Variants in EYS observed in about 807,000 individuals in gnomAD.
The protein encoded by EYS is EGF-like photoreceptor maintenance factor.
Under a neutral mutation model 282.1 loss-of-function variants are expected in EYS, and 250 were observed. The ratio of observed to expected loss-of-function variants is 0.89; its 90% CI spans 0.80 to 0.98. EYS has a LOEUF of 0.98. Ranked by LOEUF, EYS falls within the 50% of genes least tolerant of loss-of-function variation. The pLI is 0.00. For synonymous variants in EYS, 1,355 were observed against 1,282.9 expected, an observed-to-expected ratio of 1.06 and a Z score of -1.20; for missense variants, 4,016 against 3,709.0, an observed-to-expected ratio of 1.08 and a Z score of -2.15.
At chr6:65,492,609 A>G (rs1018741598) in intron 4 of EYS, among the ~76,000 whole-genome samples, 3 of 152,150 alleles carry the variant, frequency 2.0e-5, no homozygotes, top group Admixed American at 2.0e-4. Flanking sequence ...TTGCTTTATC[A>G]TTCACTCCAA....
intron 36 of EYS, among the ~76,000 whole-genome samples, chr6:63,863,215 T>C (rs1436961562): frequency 2.0e-5 from 3 of 152,252 alleles, no homozygotes; most frequent in Non-Finnish European, 4.4e-5. Context: ...AGTCCTGTGT[T>C]GATTAACTAT....
At chr6:65,348,035 C>A (rs1770466600) in intron 9 of EYS, among the ~76,000 whole-genome samples, 1 of 151,478 alleles carries the variant, frequency 6.6e-6, no homozygotes, top group African/African-American at 2.4e-5. Flanking sequence ...TATCTAGTTC[C>A]ATCCATGTTG....
intron 36 of EYS, chr6:63,806,698 A>T (rs1770917773): frequency 5.8e-6 from 1 of 172,542 alleles, no homozygotes; most frequent in East Asian, 1.6e-4. Flanking sequence ...AGCCAAACAA[A>T]GTATTTACTC....
intron 31 of EYS, among the ~76,000 whole-genome samples, chr6:64,095,246 G>C (rs1772548411): frequency 6.6e-6 from 1 of 152,184 alleles, no homozygotes; most frequent in South Asian, 2.1e-4. Flanking sequence ...TTGGGGTGGA[G>C]AGTTCTGTAG....
intron 18 of EYS, among the ~76,000 whole-genome samples, chr6:64,894,615 T>G (rs4301284): frequency 0.76 from 115,883 of 151,988 alleles, 44,488 homozygotes; most frequent in South Asian, 0.8. Flanking sequence ...GAAGGTCAGG[T>G]TTTGCCTCCT....
chr6:65,528,365 G>A (rs1767645863), intron 2 of EYS, among the ~76,000 whole-genome samples: 1 of 152,140 alleles, frequency 6.6e-6, no homozygotes, highest in African/African-American at 2.4e-5. Context: ...TGCAGGCTGG[G>A]TGTCCTGGTT....
intron 12 of EYS, among the ~76,000 whole-genome samples, chr6:65,065,280 C>T (rs1351237017): frequency 2.6e-5 from 4 of 152,080 alleles, no homozygotes; most frequent in Non-Finnish European, 5.9e-5. Flanking sequence ...TACTTACTTC[C>T]CAGATGATAA....
intron 31 of EYS, among the ~76,000 whole-genome samples, chr6:64,109,496 C>T (rs1773137295): frequency 1.3e-5 from 2 of 151,842 alleles, no homozygotes; most frequent in South Asian, 4.2e-4. Context: ...AATGCAATGC[C>T]ACTGATATAA....
At chr6:65,513,508 T>C (rs1481807949) in intron 2 of EYS, among the ~76,000 whole-genome samples, 3 of 152,032 alleles carry the variant, frequency 2.0e-5, no homozygotes, top group Non-Finnish European at 2.9e-5. Flanking sequence ...TTTAGACCAA[T>C]ATCCTTGATG....
chr6:64,090,591 T>A (rs78136537), intron 31 of EYS, among the ~76,000 whole-genome samples: 1 of 151,942 alleles, frequency 6.6e-6, no homozygotes, highest in African/African-American at 2.4e-5. Flanking sequence ...AGTGGCTTAA[T>A]TTTTTTTGTG....
intron 2 of EYS, among the ~76,000 whole-genome samples, chr6:65,614,555 A>G (rs372157093): frequency 8.7e-4 from 132 of 152,220 alleles, no homozygotes; most frequent in African/African-American, 3.0e-3. Context: ...TTCCCCATAG[A>G]TGACCAGTTG....
At chr6:65,338,388 G>C (rs1266407908) in intron 10 of EYS, among the ~76,000 whole-genome samples, 1 of 150,532 alleles carries the variant, frequency 6.6e-6, no homozygotes, top group Non-Finnish European at 1.5e-5. Flanking sequence ...TCTCAACTTT[G>C]TGTATACAGA....
chr6:64,017,009 C>T (rs376615969), intron 33 of EYS, among the ~76,000 whole-genome samples: 3 of 151,816 alleles, frequency 2.0e-5, no homozygotes, highest in Admixed American at 6.6e-5. Flanking sequence ...AATTGCACTC[C>T]GCATGTCCTT....
chr6:64,530,480 T>A (rs1764292924), intron 26 of EYS, among the ~76,000 whole-genome samples: 1 of 152,056 alleles, frequency 6.6e-6, no homozygotes, highest in Non-Finnish European at 1.5e-5. Flanking sequence ...CCAGAAATAA[T>A]AAAATTAGAA....
At chr6:64,366,009 G>C (rs1257797431) in intron 29 of EYS, among the ~76,000 whole-genome samples, 1 of 151,968 alleles carries the variant, frequency 6.6e-6, no homozygotes, top group African/African-American at 2.4e-5. Flanking sequence ...GTATGTGCCT[G>C]AATTACTTTT....
At chr6:63,926,978 C>CT (rs2149747772) in intron 35 of EYS, among the ~76,000 whole-genome samples, 1 of 152,280 alleles carries the variant, frequency 6.6e-6, no homozygotes, top group Admixed American at 6.5e-5. Context: ...TATTAGCTCA[C>CT]TTGATTTCAC....
intron 30 of EYS, among the ~76,000 whole-genome samples, chr6:64,298,656 T>G (rs1047657863): frequency 6.6e-6 from 1 of 152,000 alleles, no homozygotes; most frequent in Admixed American, 6.6e-5. Flanking sequence ...CATCACAAAA[T>G]AGCAGAAGTA....
At chr6:64,672,449 A>G (rs933439630) in intron 22 of EYS, among the ~76,000 whole-genome samples, 2 of 152,210 alleles carry the variant, frequency 1.3e-5, no homozygotes, top group African/African-American at 4.8e-5. Flanking sequence ...TAATTTAGGT[A>G]TAATGGGATT....
chr6:64,259,641 T>TAC (rs1467226664), intron 30 of EYS, among the ~76,000 whole-genome samples: 8 of 86,886 alleles, frequency 9.2e-5, no homozygotes, highest in Non-Finnish European at 1.6e-4. Flanking sequence ...CCAGTACTTT[T>TAC]ACACACGCGC....
Sources: gnomAD v4.1 joint callset for allele counts (sites outside exome capture counted in the v4.1 genomes callset) on GRCh38, gnomAD v4.1.1 for gene constraint, MANE v1.5 for transcripts, NCBI Gene and HGNC (gene_info 2026-07-23, HGNC 2026-07-21) for gene names.